Variants in EXOC4 observed in about 807,000 individuals in gnomAD.
The protein encoded by EXOC4 is SEC8-like 1.
A neutral mutation model predicts 107.2 loss-of-function variants in EXOC4; 71 were observed. The ratio of observed to expected loss-of-function variants is 0.66; its 90% CI spans 0.55 to 0.81. EXOC4 has a LOEUF of 0.81. EXOC4 is among the 30% of genes least tolerant of loss of function. The pLI, the probability that EXOC4 is intolerant of heterozygous loss-of-function variation, is 0.00. For missense variants in EXOC4, 1,108 were observed against 1,189.6 expected (o/e 0.93, Z 1.01); for synonymous variants, 456 against 441.2 (o/e 1.03, Z -0.42).
chr7:133,530,001 T>C (rs1800150968), intron 9 of EXOC4, among the ~76,000 whole-genome samples: 1 of 152,142 alleles, frequency 6.6e-6, no homozygotes, highest in African/African-American at 2.4e-5. Flanking sequence ...TTTAATCCTG[T>C]AGGTGGTGTG....
At chr7:133,821,758 A>G (rs1189347489) in intron 11 of EXOC4, among the ~76,000 whole-genome samples, 1 of 152,194 alleles carries the variant, frequency 6.6e-6, no homozygotes, top group Non-Finnish European at 1.5e-5. Flanking sequence ...ATTTTTCAAT[A>G]GATAGATAGA....
At chr7:133,577,013 T>A in intron 9 of EXOC4, 1 of 455,166 alleles carries the variant, frequency 2.2e-6, no homozygotes, top group Non-Finnish European at 3.7e-6. Context: ...CATTTATTAT[T>A]AAGTAGAAGA....
At chr7:133,459,202 T>C (rs1464309223) in intron 7 of EXOC4, among the ~76,000 whole-genome samples, 1 of 152,210 alleles carries the variant, frequency 6.6e-6, no homozygotes, top group African/African-American at 2.4e-5. Flanking sequence ...TTCTTTTCTG[T>C]GGCTTGCTTT....
intron 10 of EXOC4, among the ~76,000 whole-genome samples, chr7:133,677,719 C>T (rs1236520447): frequency 6.6e-6 from 1 of 152,176 alleles, no homozygotes; most frequent in Non-Finnish European, 1.5e-5. Flanking sequence ...CTTTCTCCTA[C>T]CCCAAGGCCA....
intron 17 of EXOC4, among the ~76,000 whole-genome samples, chr7:134,046,671 T>A (rs1234200198): frequency 6.6e-6 from 1 of 151,944 alleles, no homozygotes; most frequent in Non-Finnish European, 1.5e-5. Flanking sequence ...TTACCTGCGT[T>A]CGTTAATGTT....
intron 13 of EXOC4, among the ~76,000 whole-genome samples, chr7:133,929,035 C>T (rs568092361): frequency 9.3e-4 from 135 of 145,494 alleles, no homozygotes; most frequent in African/African-American, 3.3e-3. Context: ...CGGGTTCAAG[C>T]GATTCTTCTG....
intron 15 of EXOC4, among the ~76,000 whole-genome samples, chr7:134,003,150 C>G (rs1219434569): frequency 6.6e-6 from 1 of 152,152 alleles, no homozygotes; most frequent in Non-Finnish European, 1.5e-5. Context: ...TAATGAACAA[C>G]ATGGGTGAAT....
rs555289495 is a variant in EXOC4, at chr7:133,678,443, A to G, written c.1514+48302A>G. On this transcript the variant is annotated intron_variant, in intron 10 of 17. Transcript: ENST00000253861. ...CAGTTCACTTCCAACTGTTTCCCTC[A>G]TGCTGACCCCTTTCTTAAAGTAACG... Among the ~76,000 whole-genome samples, 60 of 152,306 alleles carry G rather than the reference A, an allele frequency of 3.9e-4. No homozygotes were observed. The South Asian group carries it at 0.012, about 29-fold the overall frequency.
chr7:133,377,602 A>G (rs1440678358), intron 7 of EXOC4, among the ~76,000 whole-genome samples: 7 of 152,190 alleles, frequency 4.6e-5, no homozygotes, highest in African/African-American at 1.7e-4. Flanking sequence ...AGATTGGGGT[A>G]GAAAAATATC....
intron 3 of EXOC4, among the ~76,000 whole-genome samples, chr7:133,289,913 C>A (rs1342714357): frequency 6.6e-6 from 1 of 152,092 alleles, no homozygotes; most frequent in East Asian, 1.9e-4. Context: ...TTGTTTTTTC[C>A]TTCCCCACAG....
intron 9 of EXOC4, among the ~76,000 whole-genome samples, chr7:133,553,578 T>C (rs1800632786): frequency 6.6e-6 from 1 of 152,148 alleles, no homozygotes; most frequent in South Asian, 2.1e-4. Flanking sequence ...CCTTCTAACC[T>C]CATAATGTTT....
the EXOC4 span, among the ~76,000 whole-genome samples, chr7:134,089,515 A>G: frequency 6.6e-6 from 1 of 152,130 alleles, no homozygotes. Context: ...ACTCTTTCCA[A>G]CATCTAACTT....
intron 7 of EXOC4, among the ~76,000 whole-genome samples, chr7:133,465,854 G>A (rs1253179884): frequency 3.3e-5 from 5 of 152,066 alleles, no homozygotes; most frequent in Admixed American, 1.3e-4. Context: ...GAGAAAACTC[G>A]GCCGGGGGCA....
chr7:133,368,188 G>C (rs1387830512), intron 6 of EXOC4, among the ~76,000 whole-genome samples: 1 of 152,190 alleles, frequency 6.6e-6, no homozygotes, highest in Admixed American at 6.5e-5. Flanking sequence ...ATGCATACCT[G>C]TTTTGTCACT....
At chr7:133,300,705 A>C (rs1330165795) in intron 3 of EXOC4, among the ~76,000 whole-genome samples, 1 of 152,144 alleles carries the variant, frequency 6.6e-6, no homozygotes, top group Non-Finnish European at 1.5e-5. Context: ...AAATACATAG[A>C]GTTCTATAAA....
chr7:133,637,621 C>G (rs1482436652), intron 10 of EXOC4, among the ~76,000 whole-genome samples: 1 of 152,122 alleles, frequency 6.6e-6, no homozygotes. Flanking sequence ...ATTTTTCCCC[C>G]TATGCTCAGA....
intron 10 of EXOC4, among the ~76,000 whole-genome samples, chr7:133,660,945 T>A (rs1381650692): frequency 1.3e-5 from 2 of 152,168 alleles, no homozygotes; most frequent in African/African-American, 2.4e-5. Flanking sequence ...TTTGATATTT[T>A]AAAAAACCCC....
chr7:133,442,834 A>G lies in EXOC4; in HGVS notation c.1183-32494A>G, dbSNP rs1321845018. Among the ~76,000 whole-genome samples the G allele has an allele frequency of 2.0e-5, 3 of 152,316 alleles. No homozygotes were observed. In the East Asian group the frequency reaches 5.8e-4, roughly 29 times the overall value. On this transcript the variant is annotated intron_variant, in intron 7 of 17. Transcript: ENST00000253861. ...TTGTGTGTTTTGTGTGACTGAAAGA[A>G]TGGTGGTCCCATTTGTAATAAAGAG...
chr7:133,460,177 C>T (rs186825938), intron 7 of EXOC4, among the ~76,000 whole-genome samples: 90 of 152,246 alleles, frequency 5.9e-4, no homozygotes, highest in African/African-American at 1.9e-3. Flanking sequence ...GTTAGATTCT[C>T]GTAAGGAGCA....
Sources: gnomAD v4.1 joint callset for allele counts (sites outside exome capture counted in the v4.1 genomes callset) on GRCh38, gnomAD v4.1.1 for gene constraint, MANE v1.5 for transcripts, NCBI Gene and HGNC (gene_info 2026-07-23, HGNC 2026-07-21) for gene names.